EFCAB11: variants seen among roughly 807,000 people sequenced by gnomAD.
EFCAB11 encodes the protein EF-hand calcium binding domain 11.
Under a neutral mutation model 23.0 loss-of-function variants are expected in EFCAB11, and 14 were observed. The observed-to-expected ratio is 0.61, with a 90% CI of 0.40 to 0.95. The LOEUF (loss-of-function observed/expected upper bound fraction) is 0.95, where lower values mean the gene tolerates loss of function less well. Ranked by LOEUF, EFCAB11 falls within the 40% of genes least tolerant of loss-of-function variation. The probability of loss-of-function intolerance (pLI) is 0.00; values close to 1 mark genes in which losing one functional copy is unlikely to be tolerated. For missense variants in EFCAB11, 198 were observed against 195.8 expected (o/e 1.01, Z -0.07); for synonymous variants, 65 against 66.6 (o/e 0.98, Z 0.11).
At chr14:89,837,088 G>T (rs1022132860) in intron 5 of EFCAB11, 1 of 456,752 alleles carries the variant, frequency 2.2e-6, no homozygotes, top group Non-Finnish European at 4.4e-6. Context: ...CAGAGGAGGG[G>T]TTTTTAGACT....
At chr14:89,849,150 G>A (rs1473589156) in intron 5 of EFCAB11, among the ~76,000 whole-genome samples, 1 of 151,984 alleles carries the variant, frequency 6.6e-6, no homozygotes, top group East Asian at 1.9e-4. Flanking sequence ...ACCCTCCATG[G>A]TCCAGCTTTA....
intron 5 of EFCAB11, chr14:89,892,285 G>C (rs1410869719): frequency 6.2e-7 from 1 of 1,613,702 alleles, no homozygotes; most frequent in African/African-American, 1.3e-5. Flanking sequence ...ACTGCAATGT[G>C]GACCTGGCCT....
At chr14:89,915,078 C>A (rs1889796033) in intron 5 of EFCAB11, among the ~76,000 whole-genome samples, 1 of 152,016 alleles carries the variant, frequency 6.6e-6, no homozygotes, top group Non-Finnish European at 1.5e-5. Context: ...TTTTTAAAGA[C>A]CTAAATTCGA....
At position 89,863,775 on chromosome 14, in the gene EFCAB11, G is replaced by A. The variant is rs545361444; in HGVS notation, c.411-66451C>T. ...GGTTGAGAAAAAAAGGACCTAGGATGAAAAATTGGCAATGCTACACATTTT... is the reference window on the plus strand; with the variant it reads ...GGTTGAGAAAAAAAGGACCTAGGATAAAAAATTGGCAATGCTACACATTTT... On this transcript the variant is annotated intron_variant, in intron 5 of 5. Coordinates refer to ENST00000316738, the MANE Select transcript of EFCAB11 (RefSeq NM_145231.4). Among the ~76,000 whole-genome samples the A allele has an allele frequency of 2.0e-3, 302 of 152,268 alleles. 1 individual carries two copies. The highest frequency in any genetic ancestry group is 3.4e-3 in the Middle Eastern group (1 of 294).
chr14:89,898,812 C>T (rs1318910828), intron 5 of EFCAB11, among the ~76,000 whole-genome samples: 3 of 151,508 alleles, frequency 2.0e-5, no homozygotes, highest in African/African-American at 7.3e-5. Context: ...GCTGGGACTA[C>T]AGGGGTGTGC....
intron 5 of EFCAB11, among the ~76,000 whole-genome samples, chr14:89,863,695 T>C (rs1382687539): frequency 6.6e-6 from 1 of 152,264 alleles, no homozygotes; most frequent in Non-Finnish European, 1.5e-5. Context: ...TAAATGTTTG[T>C]TGAGCATATG....
intron 5 of EFCAB11, among the ~76,000 whole-genome samples, chr14:89,889,873 T>C (rs1393596259): frequency 1.3e-5 from 2 of 152,254 alleles, no homozygotes; most frequent in Non-Finnish European, 2.9e-5. Flanking sequence ...AACTGGCATC[T>C]GGTTTCCCCT....
At chr14:89,827,150 T>C (rs1886718240) in intron 5 of EFCAB11, among the ~76,000 whole-genome samples, 1 of 152,068 alleles carries the variant, frequency 6.6e-6, no homozygotes, top group Admixed American at 6.6e-5. Context: ...GTAGTAACCA[T>C]TAAAACACAT....
At chr14:89,880,680 G>C (rs1475767054) in intron 5 of EFCAB11, among the ~76,000 whole-genome samples, 1 of 152,196 alleles carries the variant, frequency 6.6e-6, no homozygotes, top group Non-Finnish European at 1.5e-5. Flanking sequence ...CACACCAGCT[G>C]TGTCAGTCTA....
chr14:89,870,583 A>C (rs987620631), intron 5 of EFCAB11, among the ~76,000 whole-genome samples: 1 of 152,182 alleles, frequency 6.6e-6, no homozygotes, highest in African/African-American at 2.4e-5. Context: ...ATGAAGCATA[A>C]TAAAACCAAA....
intron 3 of EFCAB11, among the ~76,000 whole-genome samples, chr14:89,944,463 G>A (rs1490257495): frequency 2.0e-5 from 3 of 152,116 alleles, no homozygotes; most frequent in Non-Finnish European, 4.4e-5. Context: ...AGAGAAACAC[G>A]ATATTATGAC....
intron 5 of EFCAB11, chr14:89,924,081 C>A: frequency 1.0e-6 from 1 of 985,568 alleles, no homozygotes; most frequent in Non-Finnish European, 1.2e-6. Flanking sequence ...AAGGGAATAT[C>A]CATCACTCCC....
At chr14:89,826,063 A>G (rs1596385302) in intron 5 of EFCAB11, among the ~76,000 whole-genome samples, 3 of 152,076 alleles carry the variant, frequency 2.0e-5, no homozygotes, top group Admixed American at 2.0e-4. Flanking sequence ...AGACAAACAA[A>G]TAAGATCTCT....
chr14:89,922,485 G>T (rs1238510166), intron 5 of EFCAB11, among the ~76,000 whole-genome samples: 2 of 152,190 alleles, frequency 1.3e-5, no homozygotes, highest in African/African-American at 4.8e-5. Flanking sequence ...AGTCCAGAGA[G>T]GTTCACTGAT....
intron 5 of EFCAB11, among the ~76,000 whole-genome samples, chr14:89,802,791 G>T (rs1885831421): frequency 6.6e-6 from 1 of 152,060 alleles, no homozygotes; most frequent in Admixed American, 6.5e-5. Flanking sequence ...TAGGGTTTTG[G>T]GTAATTCTGT....
chr14:89,832,592 G>C (rs752005472), intron 5 of EFCAB11, among the ~76,000 whole-genome samples: 1 of 152,094 alleles, frequency 6.6e-6, no homozygotes, highest in South Asian at 2.1e-4. Context: ...ATTTACCATT[G>C]TAAGTTGTAA....
intron 5 of EFCAB11, among the ~76,000 whole-genome samples, chr14:89,871,679 C>G (rs960977661): frequency 2.0e-5 from 3 of 152,160 alleles, no homozygotes; most frequent in African/African-American, 7.2e-5. Flanking sequence ...TTTCTATTAC[C>G]CAGTAATTTA....
At chr14:89,894,081 G>A (rs1319807482) in intron 5 of EFCAB11, among the ~76,000 whole-genome samples, 4 of 151,636 alleles carry the variant, frequency 2.6e-5, no homozygotes, top group Non-Finnish European at 4.4e-5. Context: ...CCGGGTTCAC[G>A]CCATTCTCCT....
chr14:89,951,339 C>T (rs1225061721), intron 2 of EFCAB11, among the ~76,000 whole-genome samples: 1 of 152,138 alleles, frequency 6.6e-6, no homozygotes, highest in African/African-American at 2.4e-5. Context: ...ACTTGTCCCA[C>T]CACCCACAAA....
Sources: allele counts gnomAD v4.1 joint callset (sites outside exome capture counted in the v4.1 genomes callset), GRCh38; gene constraint gnomAD v4.1.1; transcripts MANE v1.5; gene names NCBI Gene and HGNC (gene_info 2026-07-23, HGNC 2026-07-21).